The following LRP1B variants were observed in gnomAD, a reference collection of about 807,000 sequenced individuals.
LRP1B encodes LDL receptor related protein 1B.
A neutral mutation model predicts 556.6 loss-of-function variants in LRP1B; 217 were observed. The observed-to-expected ratio is 0.39, with a 90% CI of 0.35 to 0.44. LRP1B has a LOEUF of 0.44. Among genes scored for constraint, LRP1B ranks in the 20% least tolerant of loss-of-function variants. The pLI, the probability that LRP1B is intolerant of heterozygous loss-of-function variation, is 1.00. For synonymous variants in LRP1B, 2,047 were observed against 1,865.8 expected, an observed-to-expected ratio of 1.10 and a Z score of -2.50; for missense variants, 5,053 against 5,620.8, an observed-to-expected ratio of 0.90 and a Z score of 3.23.
At chr2:140,993,770 TA>T in intron 16 of LRP1B, among the ~76,000 whole-genome samples, 2 of 152,076 alleles carry the variant, frequency 1.3e-5, no homozygotes, top group East Asian at 3.9e-4. Context: ...TTAGAGCAAC[TA>T]AAATGATAAT....
intron 18 of LRP1B, among the ~76,000 whole-genome samples, chr2:140,956,540 G>T (rs1695878384): frequency 6.6e-6 from 1 of 151,636 alleles, no homozygotes; most frequent in Non-Finnish European, 1.5e-5. Context: ...TAGATTCACT[G>T]AGAAAATACA....
chr2:140,330,361 G>C (rs973391635), intron 79 of LRP1B, among the ~76,000 whole-genome samples: 1 of 151,732 alleles, frequency 6.6e-6, no homozygotes, highest in Non-Finnish European at 1.5e-5. Context: ...AAAAGCTATG[G>C]TACTGGTACA....
intron 3 of LRP1B, among the ~76,000 whole-genome samples, chr2:141,365,496 T>C (rs866121919): frequency 7.8e-6 from 1 of 128,588 alleles, no homozygotes; most frequent in African/African-American, 2.8e-5. Context: ...TTTTTTTTTT[T>C]TGTCAAACAC....
chr2:140,646,413 C>G (rs1256442834), intron 41 of LRP1B, among the ~76,000 whole-genome samples: 2 of 152,152 alleles, frequency 1.3e-5, no homozygotes, highest in Non-Finnish European at 2.9e-5. Flanking sequence ...CTCCTAATTT[C>G]ATGTTGTACT....
intron 18 of LRP1B, 118 bp from the exon 19 acceptor site, chr2:140,952,058 G>A: frequency 1.4e-6 from 1 of 692,962 alleles, no homozygotes; most frequent in East Asian, 2.7e-5. Flanking sequence ...AGGCACAGAG[G>A]AAATGGCAGA....
At chr2:141,272,212 T>G (rs113836460) in intron 3 of LRP1B, among the ~76,000 whole-genome samples, 22 of 152,194 alleles carry the variant, frequency 1.4e-4, no homozygotes, top group African/African-American at 5.0e-4. Context: ...GTTATTTATA[T>G]ATGAGTAACA....
chr2:142,040,179 ATGAT>A (rs894624559), intron 1 of LRP1B, among the ~76,000 whole-genome samples: 2 of 151,382 alleles, frequency 1.3e-5, no homozygotes, highest in Admixed American at 6.6e-5. Context: ...CTGGTTTCTA[ATGAT>A]TGACTTAATT....
intron 3 of LRP1B, among the ~76,000 whole-genome samples, chr2:141,400,418 A>G (rs1690407382): frequency 6.6e-6 from 1 of 152,224 alleles, no homozygotes; most frequent in Non-Finnish European, 1.5e-5. Context: ...ACAGAGCTGT[A>G]TTCAATGTAG....
chr2:141,384,725 G>A (rs774861220), intron 3 of LRP1B, among the ~76,000 whole-genome samples: 5 of 152,132 alleles, frequency 3.3e-5, no homozygotes, highest in Non-Finnish European at 7.4e-5. Context: ...GGCCCCTCCT[G>A]AAACCCACTC....
intron 35 of LRP1B, among the ~76,000 whole-genome samples, chr2:140,746,610 T>A (rs989316880): frequency 6.6e-6 from 1 of 152,170 alleles, no homozygotes; most frequent in African/African-American, 2.4e-5. Context: ...TTCTGTATTT[T>A]AGTGTGATTA....
chr2:140,947,954 G>A (rs1252412618), intron 20 of LRP1B, among the ~76,000 whole-genome samples: 1 of 152,136 alleles, frequency 6.6e-6, no homozygotes, highest in Admixed American at 6.5e-5. Context: ...TAGTGAAAAT[G>A]AGGTGCTCTA....
rs375039488 is a variant in LRP1B at position 141,434,908 on chromosome 2, G to A, written c.343+45488C>T. The stretch of plus-strand genomic sequence containing the variant: ...ATCTGGCTACCTTTAGGTCATCCCT[G>A]GGCCAGCACAAACCACTTATTTGTC... On this transcript the variant is annotated intron_variant, in intron 3 of 90. Transcript: ENST00000389484. Among the ~76,000 whole-genome samples the A allele has an allele frequency of 4.1e-4, 62 of 152,190 alleles. No homozygotes were observed. The East Asian group carries it at 6.4e-3, about 16-fold the overall frequency.
At chr2:140,375,606 C>G (rs1187238499) in intron 68 of LRP1B, among the ~76,000 whole-genome samples, 1 of 151,960 alleles carries the variant, frequency 6.6e-6, no homozygotes, top group African/African-American at 2.4e-5. Context: ...TTTATATCTC[C>G]TTTCTCTGAA....
chr2:141,436,187 T>G lies in LRP1B; in HGVS notation c.343+44209A>C, dbSNP rs567054054. Reference sequence around the variant, plus strand: ...CATGATGATTTAACATATGTACATATGTATACATTATGAAATGATTACCAC... The same window carrying G: ...CATGATGATTTAACATATGTACATAGGTATACATTATGAAATGATTACCAC... On this transcript the variant is annotated intron_variant, in intron 3 of 90. Transcript: ENST00000389484. Among the ~76,000 whole-genome samples the G allele has an allele frequency of 3.3e-5, 5 of 152,348 alleles. No homozygotes were observed. The East Asian group carries it at 9.6e-4, about 29-fold the overall frequency.
Position 140,385,950 on chromosome 2 carries a change from G to A in LRP1B, c.10474C>T (p.His3492Tyr), listed in dbSNP as rs2105198642. ...TCATTTTGGCTATCACACCGCCAGTGATCGGGAATACAGTTGTTGTTTTTA... is the reference window on the plus strand; with the variant it reads ...TCATTTTGGCTATCACACCGCCAGTAATCGGGAATACAGTTGTTGTTTTTA... Reference protein sequence around the residue: ...QCKNNNCIPDHWRCDSQNDCS... With the variant: ...QCKNNNCIPDYWRCDSQNDCS... The change falls in exon 67 of 91, where the codon CAC becomes TAC. Residue 3492 changes from histidine (H) to tyrosine (Y), a missense_variant. His to Tyr is a moderately conservative substitution (Grantham distance 83). Coordinates refer to ENST00000389484, the MANE Select transcript of LRP1B (RefSeq NM_018557.3). 3.7e-6 allele frequency: 6 copies of A among 1,613,726 alleles called. No individual in the cohort carries two copies. The highest frequency in any genetic ancestry group is 1.7e-5 in the Admixed American group (1 of 59,986).
chr2:141,210,302 T>C (rs1682486254), intron 6 of LRP1B, among the ~76,000 whole-genome samples: 2 of 151,440 alleles, frequency 1.3e-5, no homozygotes, highest in South Asian at 2.1e-4. Context: ...AAGTCCAAAA[T>C]AAAAATTTTA....
At chr2:141,458,729 T>C (rs570599008) in intron 3 of LRP1B, among the ~76,000 whole-genome samples, 41 of 152,218 alleles carry the variant, frequency 2.7e-4, no homozygotes, top group African/African-American at 9.4e-4. Context: ...CAAGTTACCT[T>C]AACATTCAGA....
chr2:140,281,123 C>G (rs1435982575), intron 84 of LRP1B, among the ~76,000 whole-genome samples: 1 of 151,758 alleles, frequency 6.6e-6, no homozygotes, highest in East Asian at 1.9e-4. Flanking sequence ...TTTTCTTTCT[C>G]TTTTAATGTT....
chr2:140,636,134 G>GA (rs1684063163), intron 41 of LRP1B, among the ~76,000 whole-genome samples: 1 of 152,084 alleles, frequency 6.6e-6, no homozygotes, highest in South Asian at 2.1e-4. Context: ...TATATTAAAT[G>GA]AAACTAGGAG....
Sources: gnomAD v4.1 joint callset for allele counts (sites outside exome capture counted in the v4.1 genomes callset) on GRCh38, gnomAD v4.1.1 for gene constraint, MANE v1.5 for transcripts, NCBI Gene and HGNC (gene_info 2026-07-23, HGNC 2026-07-21) for gene names.